The following CFAP299 variants were observed in gnomAD, a reference collection of about 807,000 sequenced individuals.
CFAP299 encodes the protein cilia and flagella associated protein 299.
Under a neutral mutation model 27.0 loss-of-function variants are expected in CFAP299, and 21 were observed. The ratio of observed to expected loss-of-function variants is 0.78; its 90% CI spans 0.55 to 1.12. The LOEUF is 1.12. CFAP299 is among the 50% of genes most tolerant of loss of function. CFAP299 has a pLI of 0.00. For missense variants in CFAP299, 310 were observed against 276.6 expected, an observed-to-expected ratio of 1.12 and a Z score of -0.86; for synonymous variants, 104 against 98.1, an observed-to-expected ratio of 1.06 and a Z score of -0.36.
At chr4:80,346,048 G>T (rs1231359352) in intron 1 of CFAP299, among the ~76,000 whole-genome samples, 2 of 152,186 alleles carry the variant, frequency 1.3e-5, no homozygotes, top group East Asian at 3.8e-4. Flanking sequence ...TTTTTCATGT[G>T]TCTGTTGGCT....
chr4:80,335,928 C>T (rs760738600), intron 1 of CFAP299, 49 bp downstream of exon 1: 7 of 1,177,014 alleles, frequency 5.9e-6, no homozygotes, highest in South Asian at 1.2e-5. Context: ...TCCCTCGGTC[C>T]CTCCTCGAGT....
At chr4:80,609,353 A>G (rs1348347542) in intron 3 of CFAP299, among the ~76,000 whole-genome samples, 1 of 152,056 alleles carries the variant, frequency 6.6e-6, no homozygotes, top group Non-Finnish European at 1.5e-5. Flanking sequence ...TAACTATGTC[A>G]TGCTGTTCCT....
intron 2 of CFAP299, among the ~76,000 whole-genome samples, chr4:80,535,494 CAAAAAAAAAAA>C (rs143122836): frequency 2.1e-4 from 7 of 33,278 alleles, no homozygotes; most frequent in Non-Finnish European, 4.9e-4. Flanking sequence ...GACTCCGTCT[CAAAAAAAAAAA>C]AAAAAAAAAA....
intron 3 of CFAP299, among the ~76,000 whole-genome samples, chr4:80,747,101 G>C (rs1724656284): frequency 6.6e-6 from 1 of 151,858 alleles, no homozygotes; most frequent in Non-Finnish European, 1.5e-5. Context: ...TATTTAATTT[G>C]GTTTTGTAAG....
At chr4:80,418,938 T>C (rs1189060259) in intron 2 of CFAP299, among the ~76,000 whole-genome samples, 14 of 152,204 alleles carry the variant, frequency 9.2e-5, no homozygotes, top group Admixed American at 9.2e-4. Context: ...CCATTGTTAA[T>C]GGCACTGTGA....
At chr4:80,551,519 T>G (rs1734510694) in intron 2 of CFAP299, among the ~76,000 whole-genome samples, 1 of 152,170 alleles carries the variant, frequency 6.6e-6, no homozygotes, top group South Asian at 2.1e-4. Context: ...ACATTGTTAT[T>G]TCTAATTCAT....
At chr4:80,923,110 G>A (rs1175435004) in intron 4 of CFAP299, among the ~76,000 whole-genome samples, 3 of 152,024 alleles carry the variant, frequency 2.0e-5, no homozygotes, top group Non-Finnish European at 4.4e-5. Context: ...ACATTTGCTA[G>A]CTCAAGGAGG....
chr4:80,842,959 G>A (rs6849668), intron 3 of CFAP299, among the ~76,000 whole-genome samples: 34,254 of 151,876 alleles, frequency 0.23, 4,442 homozygotes, highest in African/African-American at 0.35. Flanking sequence ...TAGAATTTAT[G>A]TTTATCTTGC....
At chr4:80,505,973 T>A (rs188172338) in intron 2 of CFAP299, among the ~76,000 whole-genome samples, 64 of 151,130 alleles carry the variant, frequency 4.2e-4, no homozygotes, top group Non-Finnish European at 6.9e-4. Context: ...CTGTTTCTAA[T>A]GTGTACACAC....
At chr4:80,959,283 A>G (rs1738221840) in intron 5 of CFAP299, among the ~76,000 whole-genome samples, 1 of 152,116 alleles carries the variant, frequency 6.6e-6, no homozygotes, top group African/African-American at 2.4e-5. Flanking sequence ...TTGCTAATAC[A>G]AGAAACCAAG....
intron 2 of CFAP299, among the ~76,000 whole-genome samples, chr4:80,410,145 C>T (rs576589308): frequency 6.6e-6 from 1 of 152,276 alleles, no homozygotes; most frequent in Non-Finnish European, 1.5e-5. Flanking sequence ...ATGTTCTTTA[C>T]TTCCACAGGA....
intron 2 of CFAP299, among the ~76,000 whole-genome samples, chr4:80,390,114 C>T (rs1398006535): frequency 1.3e-5 from 2 of 151,872 alleles, no homozygotes; most frequent in African/African-American, 4.8e-5. Context: ...CATCACAATA[C>T]CTTTATTTTA....
At chr4:80,415,706 T>A (rs1726968075) in intron 2 of CFAP299, among the ~76,000 whole-genome samples, 1 of 152,192 alleles carries the variant, frequency 6.6e-6, no homozygotes, top group African/African-American at 2.4e-5. Context: ...TATTTATGAA[T>A]TAATTTTTAG....
chr4:80,589,951 C>G (rs1246102255), intron 3 of CFAP299, among the ~76,000 whole-genome samples: 1 of 151,832 alleles, frequency 6.6e-6, no homozygotes, highest in Non-Finnish European at 1.5e-5. Flanking sequence ...GGGAAACTCT[C>G]AATCATATAA....
At chr4:80,424,094 G>T (rs1261670718) in intron 2 of CFAP299, among the ~76,000 whole-genome samples, 1 of 152,150 alleles carries the variant, frequency 6.6e-6, no homozygotes, top group Non-Finnish European at 1.5e-5. Context: ...GTGGATGTGT[G>T]TCCTCCTGAT....
At chr4:80,648,930 A>G (rs979453687) in intron 3 of CFAP299, 11 of 152,294 alleles carry the variant, frequency 7.2e-5, no homozygotes, top group African/African-American at 2.6e-4. Context: ...ACTCTGTCCA[A>G]GCTTTCAAGA....
intron 5 of CFAP299, among the ~76,000 whole-genome samples, chr4:80,958,660 C>T (rs1039313903): frequency 2.6e-5 from 4 of 152,110 alleles, no homozygotes; most frequent in African/African-American, 9.7e-5. Flanking sequence ...AGAAAATTAT[C>T]TCATTACTGC....
At chr4:80,795,633 T>G (rs903208011) in intron 3 of CFAP299, among the ~76,000 whole-genome samples, 1 of 152,176 alleles carries the variant, frequency 6.6e-6, no homozygotes, top group African/African-American at 2.4e-5. Flanking sequence ...AAGTTGCTTG[T>G]GCCTTTAGGA....
At chr4:80,636,565 G>T (rs1205104147) in intron 3 of CFAP299, among the ~76,000 whole-genome samples, 3 of 152,150 alleles carry the variant, frequency 2.0e-5, no homozygotes, top group African/African-American at 7.2e-5. Flanking sequence ...AAATGACGAT[G>T]CTCAGATACG....
Sources: allele counts gnomAD v4.1 joint callset (sites outside exome capture counted in the v4.1 genomes callset), GRCh38; gene constraint gnomAD v4.1.1; transcripts MANE v1.5; gene names NCBI Gene and HGNC (gene_info 2026-07-23, HGNC 2026-07-21).